Variants in PCDHGA11 observed in about 807,000 individuals in gnomAD.
PCDHGA11 encodes the protein protocadherin gamma subfamily A, 11.
PCDHGA11 carries 39 observed loss-of-function variants against 60.4 expected under a neutral mutation model. The observed-to-expected ratio is 0.65, with a 90% CI of 0.50 to 0.84. PCDHGA11 has a LOEUF of 0.84. PCDHGA11 is among the 40% of genes least tolerant of loss of function. The pLI is 0.00. For synonymous variants in PCDHGA11, 533 were observed against 510.3 expected (o/e 1.04, Z -0.60); for missense variants, 1,165 against 1,197.7 (o/e 0.97, Z 0.40).
At chr5:141,509,216 T>C (rs2099875781) in intron 3 of PCDHGA11, among the ~76,000 whole-genome samples, 1 of 152,124 alleles carries the variant, frequency 6.6e-6, no homozygotes, top group South Asian at 2.1e-4. Flanking sequence ...TATTTCTCAA[T>C]CCCTGGTTGA....
Position 141,485,581 on chromosome 5 carries a change from G to C in PCDHGA11, c.2434-9226G>C. The C allele has an allele frequency of 6.2e-7, 1 of 1,612,458 alleles. No individual in the cohort carries two copies. The highest frequency in any genetic ancestry group is 8.5e-7 in the Non-Finnish European group (1 of 1,178,652). ...ATCACGCCCCCCGTTTTCCGCGGCA[G>C]CAGCTGGACTTGGAAATTGGGGAGG... On this transcript the variant is annotated intron_variant, in intron 1 of 3. Coordinates refer to ENST00000398587, the MANE Select transcript of PCDHGA11 (RefSeq NM_018914.3). This position sits in a 1 kb window ranked among gnomAD's most constrained non-coding sequence, Gnocchi z 5.7.
intron 1 of PCDHGA11, among the ~76,000 whole-genome samples, chr5:141,482,633 G>T (rs1218163238): frequency 2.0e-5 from 3 of 151,784 alleles, no homozygotes; most frequent in Non-Finnish European, 2.9e-5. Flanking sequence ...AGGAAGAAAT[G>T]ATAGAGGTGG....
chr5:141,482,967 AGCAGCTACTT>A (rs2099575323), intron 1 of PCDHGA11, among the ~76,000 whole-genome samples: 1 of 58,122 alleles, frequency 1.7e-5, no homozygotes, highest in African/African-American at 2.6e-4. Flanking sequence ...CAGCTACTTG[AGCAGCTACTT>A]GAGAGGTCGA....
Position 141,422,537 on chromosome 5 carries a change from C to T in PCDHGA11, c.1310C>T (p.Thr437Ile), listed in dbSNP as rs993210917. 2.5e-6 allele frequency: 4 copies of T among 1,613,874 alleles called. No individual in the cohort carries two copies. Among genetic ancestry groups the T allele is most frequent in the Non-Finnish European group, 3.4e-6 (4 of 1,179,894 alleles). ...DQGSPPLSAETHVWLNVADDN... is the reference protein window; with the variant it reads ...DQGSPPLSAEIHVWLNVADDN... ...GGAAGCCCGCCTTTGTCTGCAGAAA[C>T]TCATGTCTGGCTGAATGTGGCAGAT... is the stretch of plus-strand genomic sequence containing the variant. The change falls in exon 1 of 4, where the codon ACT (threonine) becomes ATT (isoleucine). Residue 437 changes from threonine (T) to isoleucine (I), a missense_variant. Thr to Ile is a moderately conservative substitution (Grantham distance 89). Coordinates refer to ENST00000398587, the MANE Select transcript of PCDHGA11 (RefSeq NM_018914.3).
intron 1 of PCDHGA11, among the ~76,000 whole-genome samples, chr5:141,457,920 C>T (rs1340816332): frequency 6.6e-6 from 1 of 150,868 alleles, no homozygotes; most frequent in Non-Finnish European, 1.5e-5. Flanking sequence ...GCCAGTTCTC[C>T]CCAAGGGGCT....
At chr5:141,478,941 A>C (rs889484528) in intron 1 of PCDHGA11, 9 of 589,470 alleles carry the variant, frequency 1.5e-5, no homozygotes, top group Non-Finnish European at 2.0e-5. Context: ...TTCTAGGAAT[A>C]CAAAAACTAC....
At position 141,486,694 on chromosome 5, in the gene PCDHGA11, C is replaced by T. The variant is rs1275794121; in HGVS notation, c.2434-8113C>T. ...ATCGAGATGTATCAGCTTCCTCTTTCATCTCTCTGAACCCCCAGACAGGAG... is the reference window on the plus strand; with the variant it reads ...ATCGAGATGTATCAGCTTCCTCTTTTATCTCTCTGAACCCCCAGACAGGAG... On this transcript the variant is annotated intron_variant, in intron 1 of 3. Transcript: ENST00000398587. This position sits in a 1 kb window ranked among gnomAD's most constrained non-coding sequence, Gnocchi z 5.0. 1.2e-6 allele frequency: 2 copies of T among 1,614,168 alleles called. No individual in the cohort carries two copies. Among genetic ancestry groups the T allele is most frequent in the Non-Finnish European group, 1.7e-6 (2 of 1,180,044 alleles).
At chr5:141,455,690 C>T (rs1209152869) in intron 1 of PCDHGA11, among the ~76,000 whole-genome samples, 1 of 152,064 alleles carries the variant, frequency 6.6e-6, no homozygotes, top group Non-Finnish European at 1.5e-5. Context: ...CTGTGGGAAT[C>T]GCCAAGTTGA....
rs200545713 is a variant in PCDHGA11 at position 141,422,296 on chromosome 5, A to T, written c.1069A>T (p.Ile357Phe). Residue 357 changes from isoleucine to phenylalanine, a missense_variant, in exon 1 of 4, where the codon ATT (isoleucine) becomes TTT (phenylalanine). Coordinates refer to ENST00000398587, the MANE Select transcript of PCDHGA11 (RefSeq NM_018914.3). ...EITITSSINS[I>F]LENSPPGTVI... ...AACTATCACCTCTTCTATTAATTCAATTCTGGAAAACTCTCCTCCAGGTAC... is the reference window on the plus strand; with the variant it reads ...AACTATCACCTCTTCTATTAATTCATTTCTGGAAAACTCTCCTCCAGGTAC... The T allele has an allele frequency of 3.9e-6, 6 of 1,550,706 alleles. No individual in the cohort carries two copies. The highest frequency in any genetic ancestry group is 4.3e-6 in the Non-Finnish European group (5 of 1,155,498).
intron 1 of PCDHGA11, among the ~76,000 whole-genome samples, chr5:141,472,313 A>G (rs1411876003): frequency 6.7e-6 from 1 of 150,164 alleles, no homozygotes; most frequent in East Asian, 2.0e-4. Context: ...AAGCCGAGGC[A>G]GGCAGATCAC....
Position 141,511,178 on chromosome 5 carries a change from G to A in PCDHGA11, c.*5G>A. The A allele has an allele frequency of 6.2e-7, 1 of 1,614,090 alleles. No homozygotes were observed. Among genetic ancestry groups the A allele is most frequent in the South Asian group, 1.1e-5 (1 of 91,074 alleles). On this transcript the variant is annotated 3_prime_UTR_variant, in exon 4 of 4. Coordinates refer to ENST00000398587, the MANE Select transcript of PCDHGA11 (RefSeq NM_018914.3). ...GGCAAGAAGGAGAAGAAGTAACATG[G>A]AGGCCAGGCCAAGAGCCACAGGGCG...
At chr5:141,500,370 G>C (rs766183384) in intron 2 of PCDHGA11, among the ~76,000 whole-genome samples, 1 of 151,644 alleles carries the variant, frequency 6.6e-6, no homozygotes, top group Non-Finnish European at 1.5e-5. Flanking sequence ...TACCACGCCC[G>C]GCTAATTATT....
intron 3 of PCDHGA11, 122 bp downstream of exon 3, chr5:141,505,603 G>A (rs900982128): frequency 6.5e-7 from 1 of 1,534,594 alleles, no homozygotes; most frequent in African/African-American, 1.4e-5. Flanking sequence ...TCTTTCGGCA[G>A]GTCTGAAAGG....
At chr5:141,430,841 T>C (rs757539834) in intron 1 of PCDHGA11, 1 of 1,566,462 alleles carries the variant, frequency 6.4e-7, no homozygotes, top group South Asian at 1.2e-5. Flanking sequence ...GGAGACCGGA[T>C]GCACCCAGAT....
Position 141,422,889 on chromosome 5 carries a change from G to A in PCDHGA11, c.1662G>A (p.Leu554=), listed in dbSNP as rs62378455. 55,863 of 1,614,202 alleles carry A rather than the reference G, an allele frequency of 0.035. 1,109 individuals are homozygous for A. Among genetic ancestry groups the A allele is most frequent in the Middle Eastern group, 0.098 (591 of 6,060 alleles). The change falls in exon 1 of 4, where the codon CTG becomes CTA. Residue 554 remains leucine, a synonymous_variant. Transcript: ENST00000398587. Reference sequence around the variant, plus strand: ...ACGTGTCGCTGAGCCTGTTCGTGCTGGACCAGAACGACAATGCGCCCGAGA... The same window carrying A: ...ACGTGTCGCTGAGCCTGTTCGTGCTAGACCAGAACGACAATGCGCCCGAGA... The part of the protein sequence containing the change: ...SSNVSLSLFV[L]DQNDNAPEIL...
At chr5:141,510,378 C>T (rs919650449) in intron 3 of PCDHGA11, among the ~76,000 whole-genome samples, 1 of 151,688 alleles carries the variant, frequency 6.6e-6, no homozygotes, top group African/African-American at 2.4e-5. Flanking sequence ...TCTACTCGTG[C>T]CAGGCCTTGC....
chr5:141,432,859 C>A lies in PCDHGA11; in HGVS notation c.2433+9199C>A. The A allele has an allele frequency of 1.2e-6, 2 of 1,614,190 alleles. No homozygotes were observed. Among genetic ancestry groups the A allele is most frequent in the Non-Finnish European group, 1.7e-6 (2 of 1,180,020 alleles). The stretch of plus-strand genomic sequence containing the variant: ...ACCTGGTGGTAGCGGTGGCCGCGGT[C>A]TCCTGCGTCTTCCTGGCCTTCGTCA... On this transcript the variant is annotated intron_variant, in intron 1 of 3. Transcript: ENST00000398587. This position sits in a 1 kb window ranked among gnomAD's most constrained non-coding sequence, Gnocchi z 6.0.
intron 1 of PCDHGA11, among the ~76,000 whole-genome samples, chr5:141,439,224 T>C (rs989512996): frequency 2.2e-4 from 33 of 152,030 alleles, no homozygotes; most frequent in Middle Eastern, 3.4e-3. Context: ...TGAAAATTCT[T>C]AGAAGCTTCC....
Position 141,489,161 on chromosome 5 carries a change from A to T in PCDHGA11, c.2434-5646A>T. ...GCTGGAAGGAGACATAAGAGACTTC[A>T]GCTGCTGCATTCCAAGCCCTGGGTC... On this transcript the variant is annotated intron_variant, in intron 1 of 3. Coordinates refer to ENST00000398587, the MANE Select transcript of PCDHGA11 (RefSeq NM_018914.3). The surrounding 1 kb of genome is among the most constrained non-coding windows in gnomAD (Gnocchi z 4.5). 1.9e-6 allele frequency: 2 copies of T among 1,040,278 alleles called. No individual in the cohort carries two copies. The highest frequency in any genetic ancestry group is 2.8e-6 in the Non-Finnish European group (2 of 709,676). 64.4% of individuals were successfully genotyped at this position (1,040,278 alleles called of 1,614,324 possible).
Sources: allele counts gnomAD v4.1 joint callset (sites outside exome capture counted in the v4.1 genomes callset), GRCh38; gene constraint gnomAD v4.1.1; non-coding constraint Gnocchi (gnomAD v3.1); transcripts MANE v1.5; gene names NCBI Gene and HGNC (gene_info 2026-07-23, HGNC 2026-07-21).